PDZK1IP1: variants seen among roughly 807,000 people sequenced by gnomAD.
The protein encoded by PDZK1IP1 is PDZK1 interacting protein 1.
A neutral mutation model predicts 14.7 loss-of-function variants in PDZK1IP1; 9 were observed. The ratio of observed to expected loss-of-function variants is 0.61; its 90% CI spans 0.37 to 1.07. PDZK1IP1 has a LOEUF of 1.07. Ranked by LOEUF, PDZK1IP1 falls within the 50% of genes least tolerant of loss-of-function variation. PDZK1IP1 has a pLI of 0.01. For missense variants in PDZK1IP1, 152 were observed against 148.7 expected (o/e 1.02, Z -0.11); for synonymous variants, 70 against 61.2 (o/e 1.14, Z -0.67).
intron 2 of PDZK1IP1, among the ~76,000 whole-genome samples, 167 bp downstream of exon 2, chr1:47,187,152 G>A (rs1052431077): frequency 2.0e-5 from 3 of 151,800 alleles, no homozygotes; most frequent in African/African-American, 2.4e-5. Context: ...CCCTCATCCC[G>A]ACTGTCACCA....
At position 47,184,054 on chromosome 1, in the gene PDZK1IP1, A is replaced by G. The variant is rs202226248; in HGVS notation, c.273-11T>C. The G allele has an allele frequency of 6.3e-7, 1 of 1,578,152 alleles. No individual in the cohort carries two copies. Among genetic ancestry groups the G allele is most frequent in the East Asian group, 2.3e-5 (1 of 43,806 alleles). On this transcript the variant is annotated splice_polypyrimidine_tract_variant and intron_variant, in intron 3 of 3. Coordinates refer to ENST00000294338, the MANE Select transcript of PDZK1IP1 (RefSeq NM_005764.4). Reference sequence around the variant, plus strand: ...TCATGCTCACTGGACCTGAAAGAAGAAGGCATGGGCCTGATGGGTCATCGC... The same window carrying G: ...TCATGCTCACTGGACCTGAAAGAAGGAGGCATGGGCCTGATGGGTCATCGC...
intron 1 of PDZK1IP1, among the ~76,000 whole-genome samples, chr1:47,188,756 G>A (rs2148573707): frequency 1.3e-5 from 2 of 152,270 alleles, no homozygotes; most frequent in Middle Eastern, 3.4e-3. Context: ...TATCTCCAGG[G>A]GAAGCAGAAG....
chr1:47,186,964 C>T (rs1010167692), intron 2 of PDZK1IP1, among the ~76,000 whole-genome samples: 4 of 152,162 alleles, frequency 2.6e-5, no homozygotes, highest in Non-Finnish European at 5.9e-5. Context: ...AAGGAGGGAC[C>T]GCACCTTCTA....
At chr1:47,187,826 G>A (rs1302785747) in intron 1 of PDZK1IP1, among the ~76,000 whole-genome samples, 1 of 152,224 alleles carries the variant, frequency 6.6e-6, no homozygotes, top group African/African-American at 2.4e-5. Flanking sequence ...TTGCAGCTGG[G>A]AGTGGCTCCC....
chr1:47,187,577 G>A (rs1472079371), intron 1 of PDZK1IP1, 150 bp from the exon 2 acceptor site: 8 of 657,758 alleles, frequency 1.2e-5, no homozygotes, highest in Admixed American at 4.9e-5. Flanking sequence ...GGAGGCAGGG[G>A]TGGGATACAG....
At chr1:47,187,230 G>A (rs958922936) in intron 2 of PDZK1IP1, 89 bp downstream of exon 2, 3 of 884,438 alleles carry the variant, frequency 3.4e-6, no homozygotes, top group Non-Finnish European at 5.6e-6. Context: ...TGGACACAGG[G>A]TTTCTGAGGC....
chr1:47,189,809 G>C, intron 1 of PDZK1IP1, 57 bp downstream of exon 1: 1 of 1,381,442 alleles, frequency 7.2e-7, no homozygotes, highest in Non-Finnish European at 9.8e-7. Flanking sequence ...AGGGGAGCCA[G>C]AACACCACCT....
rs1645298575 is a variant in PDZK1IP1, at chr1:47,183,756, G to A, written c.*215C>T. 6 of 601,922 alleles carry A rather than the reference G, an allele frequency of 1.0e-5. No homozygotes were observed. The highest frequency in any genetic ancestry group is 9.9e-5 in the South Asian group (5 of 50,364). 37.3% of individuals were successfully genotyped at this position (601,922 alleles called of 1,614,324 possible). On this transcript the variant is annotated 3_prime_UTR_variant, in exon 4 of 4. Transcript: ENST00000294338. ...CCAGAAGGCTCTTCTGAGCTGAGCA[G>A]GAGACCCCAGGGCCACAGCCGAGCC...
intron 2 of PDZK1IP1, among the ~76,000 whole-genome samples, chr1:47,186,634 A>G (rs1341497460): frequency 6.6e-6 from 1 of 152,056 alleles, no homozygotes; most frequent in African/African-American, 2.4e-5. Flanking sequence ...CCTGCCCTTC[A>G]CCTGTGTGTG....
At position 47,189,894 on chromosome 1, in the gene PDZK1IP1, C is replaced by T. The variant is rs199877793; in HGVS notation, c.39G>A (p.Thr13=). 3.9e-5 allele frequency: 63 copies of T among 1,596,972 alleles called. No individual in the cohort carries two copies. The highest frequency in any genetic ancestry group is 2.0e-4 in the African/African-American group (15 of 74,886). ...ALSLLILGLL[T]AVPPASCQQG... ...GCTGACAGCTGGCAGGTGGCACTGCCGTGAGCAGGCCCAGAATGAGGAGGC... is the reference window on the plus strand; with the variant it reads ...GCTGACAGCTGGCAGGTGGCACTGCTGTGAGCAGGCCCAGAATGAGGAGGC... The change falls in exon 1 of 4, where the codon ACG becomes ACA. Residue 13 remains threonine (T), a synonymous_variant. Coordinates refer to ENST00000294338, the MANE Select transcript of PDZK1IP1 (RefSeq NM_005764.4).
At position 47,184,133 on chromosome 1, in the gene PDZK1IP1, A is replaced by G. The variant is rs553958497; in HGVS notation, c.273-90T>C. 1.1e-5 allele frequency: 11 copies of G among 982,440 alleles called. No homozygotes were observed. The South Asian group carries it at 1.3e-4, about 11-fold the overall frequency. 60.9% of individuals were successfully genotyped at this position (982,440 alleles called of 1,614,324 possible). Reference sequence around the variant, plus strand: ...CCCTTCCTGCACTTGTGACAGTAATAGCTTCCAGAATAAACACTTGACTCC... The same window carrying G: ...CCCTTCCTGCACTTGTGACAGTAATGGCTTCCAGAATAAACACTTGACTCC... On this transcript the variant is annotated intron_variant, in intron 3 of 3. Coordinates refer to ENST00000294338, the MANE Select transcript of PDZK1IP1 (RefSeq NM_005764.4).
chr1:47,189,990 C>T lies in PDZK1IP1; in HGVS notation c.-58G>A. 3 of 1,384,906 alleles carry T rather than the reference C, an allele frequency of 2.2e-6. No homozygotes were observed. Among genetic ancestry groups the T allele is most frequent in the East Asian group, 4.9e-5 (2 of 41,152 alleles). 85.8% of individuals were successfully genotyped at this position (1,384,906 alleles called of 1,614,324 possible). Reference sequence around the variant, plus strand: ...GCCGGTGTCTGGGCTCCTGGAGCTGCTGTGGAGTCTATTGGTGTCCGCCTG... The same window carrying T: ...GCCGGTGTCTGGGCTCCTGGAGCTGTTGTGGAGTCTATTGGTGTCCGCCTG... On this transcript the variant is annotated 5_prime_UTR_variant, in exon 1 of 4. Transcript: ENST00000294338.
intron 1 of PDZK1IP1, among the ~76,000 whole-genome samples, chr1:47,188,196 G>C (rs1645331537): frequency 6.6e-6 from 1 of 152,218 alleles, no homozygotes; most frequent in African/African-American, 2.4e-5. Context: ...AATAGAGACA[G>C]GGTCTTACTA....
At chr1:47,185,415 C>T (rs987408735) in intron 2 of PDZK1IP1, 5 of 340,554 alleles carry the variant, frequency 1.5e-5, no homozygotes, top group Admixed American at 8.5e-5. Flanking sequence ...TTCCCCAGCT[C>T]GTGCCTTGGG....
At chr1:47,187,678 T>C (rs1645329003) in intron 1 of PDZK1IP1, among the ~76,000 whole-genome samples, 1 of 150,504 alleles carries the variant, frequency 6.6e-6, no homozygotes, top group South Asian at 2.1e-4. Context: ...GAGAAGGGAG[T>C]TGGAAGGAGT....
intron 3 of PDZK1IP1, among the ~76,000 whole-genome samples, chr1:47,184,540 C>T: frequency 1.4e-5 from 2 of 140,524 alleles, no homozygotes; most frequent in East Asian, 2.2e-4. Context: ...CTCCATCCCC[C>T]ACTGAGCTCC....
chr1:47,184,086 C>T, intron 3 of PDZK1IP1, 43 bp from the exon 4 acceptor site: 2 of 1,423,252 alleles, frequency 1.4e-6, no homozygotes, highest in Admixed American at 1.9e-5. Context: ...TCGCTCCTCC[C>T]ATTCTATCCC....
chr1:47,184,189 C>A, intron 3 of PDZK1IP1, 146 bp from the exon 4 acceptor site: 1 of 668,736 alleles, frequency 1.5e-6, no homozygotes, highest in Admixed American at 2.4e-5. Context: ...CACATCTGGG[C>A]TTATGCATCC....
chr1:47,186,302 C>G (rs1233425225), intron 2 of PDZK1IP1, among the ~76,000 whole-genome samples: 1 of 147,772 alleles, frequency 6.8e-6, no homozygotes, highest in Non-Finnish European at 1.5e-5. Flanking sequence ...GAGCAAAACT[C>G]CATCTCCAAA....
Sources: gnomAD v4.1 joint callset for allele counts (sites outside exome capture counted in the v4.1 genomes callset) on GRCh38, gnomAD v4.1.1 for gene constraint, MANE v1.5 for transcripts, NCBI Gene and HGNC (gene_info 2026-07-23, HGNC 2026-07-21) for gene names.